Variants in NRXN3 observed in about 807,000 individuals in gnomAD.
The protein encoded by NRXN3 is neurexin III.
Under a neutral mutation model 137.6 loss-of-function variants are expected in NRXN3, and 32 were observed. The observed-to-expected ratio is 0.23, with a 90% CI of 0.18 to 0.31. The LOEUF is 0.31. Among genes scored for constraint, NRXN3 ranks in the 10% least tolerant of loss-of-function variants. The pLI is 1.00. For missense variants in NRXN3, 1,574 were observed against 2,062.5 expected, an observed-to-expected ratio of 0.76 and a Z score of 4.59; for synonymous variants, 798 against 784.5, an observed-to-expected ratio of 1.02 and a Z score of -0.29.
intron 20 of NRXN3, among the ~76,000 whole-genome samples, chr14:79,819,503 G>C (rs980895236): frequency 1.3e-4 from 1 of 7,474 alleles, no homozygotes; most frequent in Non-Finnish European, 2.5e-4. Context: ...TTTTTTTTTT[G>C]AGACGGAGTC....
chr14:78,445,601 GCTTTATTAT>G (rs2094396452), intron 4 of NRXN3, among the ~76,000 whole-genome samples: 1 of 152,216 alleles, frequency 6.6e-6, no homozygotes, highest in Non-Finnish European at 1.5e-5. Context: ...CTTGAGCACA[GCTTTATTAT>G]CTTAAAGCAT....
intron 16 of NRXN3, among the ~76,000 whole-genome samples, chr14:79,636,620 G>C (rs980038637): frequency 6.6e-6 from 1 of 152,148 alleles, no homozygotes; most frequent in Admixed American, 6.5e-5. Context: ...CCAGTGAGCA[G>C]AAACATTACA....
At chr14:78,376,575 G>A (rs1279210793) in intron 4 of NRXN3, among the ~76,000 whole-genome samples, 18 of 152,134 alleles carry the variant, frequency 1.2e-4, no homozygotes, top group Admixed American at 1.2e-3. Context: ...TGGGACTCGT[G>A]GGAATACATG....
intron 15 of NRXN3, among the ~76,000 whole-genome samples, chr14:79,002,018 A>T (rs1365029751): frequency 6.6e-6 from 1 of 152,132 alleles, no homozygotes; most frequent in Non-Finnish European, 1.5e-5. Context: ...TTTGTTGTGT[A>T]TTCACCCTGT....
chr14:78,691,845 G>A lies in NRXN3; in HGVS notation c.1222-17372G>A, dbSNP rs952162047. Reference sequence around the variant, plus strand: ...AAATACAGAAGATGCTTGCTGGTCAGAAGAGAGTTGACTCATTATGTCAGG... The same window carrying A: ...AAATACAGAAGATGCTTGCTGGTCAAAAGAGAGTTGACTCATTATGTCAGG... On this transcript the variant is annotated intron_variant, in intron 6 of 20. Coordinates refer to ENST00000335750, the MANE Select transcript of NRXN3 (RefSeq NM_001330195.2). Among the ~76,000 whole-genome samples, 15 of 152,246 alleles carry A rather than the reference G, an allele frequency of 9.9e-5. No individual in the cohort carries two copies. In the South Asian group the frequency reaches 1.7e-3, roughly 17 times the overall value.
At chr14:79,755,638 T>C (rs1486526954) in intron 19 of NRXN3, among the ~76,000 whole-genome samples, 1 of 152,042 alleles carries the variant, frequency 6.6e-6, no homozygotes, top group African/African-American at 2.4e-5. Context: ...CAGCAATGTC[T>C]CTATGATCAT....
intron 1 of NRXN3, among the ~76,000 whole-genome samples, chr14:78,205,332 A>G (rs1454844553): frequency 1.3e-5 from 2 of 152,226 alleles, no homozygotes; most frequent in Non-Finnish European, 2.9e-5. Context: ...CCATGCAAGC[A>G]TCTTTATTTT....
At chr14:78,372,540 T>G (rs976624017) in intron 4 of NRXN3, among the ~76,000 whole-genome samples, 5 of 152,178 alleles carry the variant, frequency 3.3e-5, no homozygotes, top group African/African-American at 1.2e-4. Context: ...TTGGCCAGGC[T>G]GGTCTCCCAC....
chr14:78,200,322 G>A (rs73322235), intron 1 of NRXN3, among the ~76,000 whole-genome samples: 7,108 of 152,294 alleles, frequency 0.047, 541 homozygotes, highest in African/African-American at 0.16. Context: ...GAAGGAGACT[G>A]AGCAACTGTG....
In NRXN3 at chr14:78,709,528, A is replaced by G; in HGVS notation, c.1533A>G (p.Glu511=). Residue 511 remains glutamate (E), a synonymous_variant, in exon 7 of 21, where the codon GAA becomes GAG. Transcript: ENST00000335750. ...KNTKVDFFAV[E]LLDGNLYLLL... ...CAAAAGTAGACTTCTTTGCCGTGGA[A>G]CTCCTCGATGGCAACCTGTACTTGC... is the stretch of plus-strand genomic sequence containing the variant. 5 of 1,613,742 alleles carry G rather than the reference A, an allele frequency of 3.1e-6. No homozygotes were observed. The highest frequency in any genetic ancestry group is 1.1e-5 in the South Asian group (1 of 91,054).
chr14:78,651,021 C>T (rs901146869), intron 5 of NRXN3, 144 bp from the exon 6 acceptor site: 14 of 798,172 alleles, frequency 1.8e-5, no homozygotes, highest in Non-Finnish European at 2.7e-5. Context: ...CTTGGCTGCA[C>T]ATACCAAAAT....
chr14:78,709,267 G>T lies in NRXN3; in HGVS notation c.1272G>T (p.Arg424=), dbSNP rs773097046. 1.2e-6 allele frequency: 2 copies of T among 1,614,120 alleles called. No individual in the cohort carries two copies. The highest frequency in any genetic ancestry group is 3.3e-5 in the Admixed American group (2 of 60,016). The change falls in exon 7 of 21, where the codon CGG becomes CGT. Residue 424 remains arginine (R), a synonymous_variant. Coordinates refer to ENST00000335750, the MANE Select transcript of NRXN3 (RefSeq NM_001330195.2). ...GTCTGGAGCTGTCTCGCCTGGCCCG[G>T]ATTGCGGACACCAAGATGAAAATCT... ...DIRLELSRLA[R]IADTKMKIYG...
intron 15 of NRXN3, among the ~76,000 whole-genome samples, chr14:79,058,552 G>C (rs753725442): frequency 2.6e-5 from 4 of 152,104 alleles, no homozygotes; most frequent in Non-Finnish European, 4.4e-5. Context: ...TGACCTGAGT[G>C]AACTTTGAGG....
intron 4 of NRXN3, among the ~76,000 whole-genome samples, chr14:78,513,394 C>T (rs60682203): frequency 0.02 from 3,018 of 152,118 alleles, 86 homozygotes; most frequent in East Asian, 0.092. Context: ...TTGGTGGAGA[C>T]GGCCTAGAAA....
chr14:79,372,771 A>G (rs2094148302), intron 15 of NRXN3, among the ~76,000 whole-genome samples: 1 of 152,040 alleles, frequency 6.6e-6, no homozygotes, highest in South Asian at 2.1e-4. Context: ...TGAAATTCCC[A>G]TTTTCCTCTT....
At chr14:79,637,549 A>C (rs1178977662) in intron 16 of NRXN3, among the ~76,000 whole-genome samples, 2 of 151,988 alleles carry the variant, frequency 1.3e-5, no homozygotes, top group Non-Finnish European at 2.9e-5. Flanking sequence ...GGAGGTCCTC[A>C]ATCACTGCAG....
intron 19 of NRXN3, among the ~76,000 whole-genome samples, chr14:79,755,794 A>T (rs1405589730): frequency 3.3e-5 from 5 of 152,166 alleles, no homozygotes; most frequent in African/African-American, 1.2e-4. Context: ...TTTAAGGATG[A>T]GGAAGAACTT....
chr14:79,763,680 G>A (rs1041932057), intron 19 of NRXN3, among the ~76,000 whole-genome samples: 10 of 151,542 alleles, frequency 6.6e-5, no homozygotes, highest in South Asian at 2.1e-4. Flanking sequence ...CATAGATGGC[G>A]ACTTCCAGTT....
chr14:79,123,144 G>T (rs964490045), intron 15 of NRXN3, among the ~76,000 whole-genome samples: 4 of 152,106 alleles, frequency 2.6e-5, no homozygotes, highest in Non-Finnish European at 4.4e-5. Flanking sequence ...CATGGAAAAA[G>T]CCCAAGCCTC....
Sources: gnomAD v4.1 joint callset for allele counts (sites outside exome capture counted in the v4.1 genomes callset) on GRCh38, gnomAD v4.1.1 for gene constraint, MANE v1.5 for transcripts, NCBI Gene and HGNC (gene_info 2026-07-23, HGNC 2026-07-21) for gene names.